TAF1A: variants seen among roughly 807,000 people sequenced by gnomAD.
The protein encoded by TAF1A is TATA-box binding protein associated factor, RNA polymerase I subunit A, also known as TATA box-binding protein-associated factor RNA polymerase I subunit A.
TAF1A carries 42 observed loss-of-function variants against 61.6 expected under a neutral mutation model. The ratio of observed to expected loss-of-function variants is 0.68; its 90% CI spans 0.53 to 0.88. The LOEUF is 0.88. Ranked by LOEUF, TAF1A falls within the 40% of genes least tolerant of loss-of-function variation. The probability of loss-of-function intolerance (pLI) is 0.00; values close to 1 mark genes in which losing one functional copy is unlikely to be tolerated. For synonymous variants in TAF1A, 179 were observed against 177.7 expected (o/e 1.01, Z -0.06); for missense variants, 424 against 518.7 (o/e 0.82, Z 1.77).
In TAF1A at chr1:222,563,483, T is replaced by C. The variant is rs113686910; in HGVS notation, c.962-187A>G. On this transcript the variant is annotated intron_variant, in intron 8 of 10. Coordinates refer to ENST00000352967, the MANE Select transcript of TAF1A (RefSeq NM_005681.4). ...TATGCTCTTACTCCTGCAATGAATC[T>C]GAAAAACTCAATAAAAATCCCTGCT... Among the ~76,000 whole-genome samples the C allele has an allele frequency of 3.7e-3, 565 of 152,332 alleles. 3 individuals carry two copies. Among genetic ancestry groups the C allele is most frequent in the African/African-American group, 0.013 (543 of 41,584 alleles).
At chr1:222,589,616 A>G (rs17511318) in intron 1 of TAF1A, 111 bp downstream of exon 1, 19,143 of 155,006 alleles carry the variant, frequency 0.12, 1,339 homozygotes, top group Middle Eastern at 0.19. Flanking sequence ...TTCAGACCCC[A>G]AGGGTTTCAG....
At chr1:222,584,847 A>G (rs1558154840) in intron 2 of TAF1A, among the ~76,000 whole-genome samples, 1 of 152,244 alleles carries the variant, frequency 6.6e-6, no homozygotes, top group Non-Finnish European at 1.5e-5. Flanking sequence ...GCTTAGATAC[A>G]GTGCTATTAT....
intron 7 of TAF1A, among the ~76,000 whole-genome samples, chr1:222,566,475 A>T (rs1194702246): frequency 6.6e-6 from 1 of 152,204 alleles, no homozygotes; most frequent in Non-Finnish European, 1.5e-5. Flanking sequence ...ACAACTCACC[A>T]TAAGTAGAAT....
At chr1:222,560,685 G>A (rs1298300200) in intron 10 of TAF1A, among the ~76,000 whole-genome samples, 1 of 152,168 alleles carries the variant, frequency 6.6e-6, no homozygotes, top group Non-Finnish European at 1.5e-5. Context: ...AAGTGAATTG[G>A]AGAATCTCTT....
At position 222,584,273 on chromosome 1, in the gene TAF1A, T is replaced by C. The variant is rs201988893; in HGVS notation, c.146A>G (p.Asp49Gly). 104 of 1,605,468 alleles carry C rather than the reference T, an allele frequency of 6.5e-5. 1 individual carries two copies. The East Asian group carries it at 2.1e-3, about 33-fold the overall frequency. Reference protein sequence around the residue: ...TVAIGGKRRKDFAQTTSACLS... With the variant: ...TVAIGGKRRKGFAQTTSACLS... ...ACAAGCACTTGTTGTCTGAGCAAAA[T>C]CCTTCCTCCTTTTCCCTCCAATGGC... The change falls in exon 3 of 11, where the codon GAT (aspartate) becomes GGT (glycine). Residue 49 changes from aspartate to glycine, a missense_variant. Coordinates refer to ENST00000352967, the MANE Select transcript of TAF1A (RefSeq NM_005681.4).
intron 3 of TAF1A, among the ~76,000 whole-genome samples, chr1:222,580,469 C>T (rs967083536): frequency 2.0e-5 from 3 of 152,138 alleles, no homozygotes; most frequent in Admixed American, 6.5e-5. Flanking sequence ...ATCTCTATTT[C>T]GCTAACCTCA....
At chr1:222,584,593 C>G (rs1248187466) in intron 2 of TAF1A, among the ~76,000 whole-genome samples, 1 of 152,164 alleles carries the variant, frequency 6.6e-6, no homozygotes, top group Non-Finnish European at 1.5e-5. Flanking sequence ...CGGAGAATCT[C>G]TCAAACAGGC....
chr1:222,575,715 CTT>C (rs1316132788), intron 5 of TAF1A, among the ~76,000 whole-genome samples: 2 of 152,144 alleles, frequency 1.3e-5, no homozygotes, highest in Non-Finnish European at 2.9e-5. Flanking sequence ...CTAGTCCTAA[CTT>C]TTTTTCTCGT....
At chr1:222,559,372 C>CTCA (rs894073552) in intron 10 of TAF1A, among the ~76,000 whole-genome samples, 3 of 152,208 alleles carry the variant, frequency 2.0e-5, no homozygotes, top group African/African-American at 7.2e-5. Flanking sequence ...ACAGAGGTGC[C>CTCA]TCATGCTCAT....
downstream of TAF1A, among the ~76,000 whole-genome samples, chr1:222,556,415 TGA>T (rs1659726849): frequency 6.6e-6 from 1 of 152,224 alleles, no homozygotes; most frequent in Non-Finnish European, 1.5e-5. Context: ...AGATACTACA[TGA>T]GAGTGTGATC....
chr1:222,570,639 C>T lies in TAF1A; in HGVS notation c.631G>A (p.Val211Ile). Residue 211 changes from valine to isoleucine, a missense_variant, in exon 6 of 11, where the codon GTA becomes ATA. Val to Ile is a conservative substitution (Grantham distance 29, BLOSUM62 3). Coordinates refer to ENST00000352967, the MANE Select transcript of TAF1A (RefSeq NM_005681.4). ...LDKDDYAYNA[V>I]AQDVFNHSWK... is the part of the protein sequence containing the mutation. ...CTGTGGTTGAACACATCCTGGGCTA[C>T]TGCATTGTAAGCATAATCATCCTTA... The T allele has an allele frequency of 6.2e-7, 1 of 1,610,386 alleles. No individual in the cohort carries two copies. The highest frequency in any genetic ancestry group is 8.5e-7 in the Non-Finnish European group (1 of 1,177,388).
intron 4 of TAF1A, 137 bp downstream of exon 4, chr1:222,579,622 T>C (rs1269285037): frequency 9.3e-7 from 1 of 1,070,770 alleles, no homozygotes; most frequent in Non-Finnish European, 1.3e-6. Flanking sequence ...CGCTCTTTTC[T>C]TTCAGTTTCT....
rs1447344668 is a variant in TAF1A at position 222,571,683 on chromosome 1, T to G, written c.605-1018A>C. Among the ~76,000 whole-genome samples, 3 of 151,880 alleles carry G rather than the reference T, an allele frequency of 2.0e-5. No individual in the cohort carries two copies. The East Asian group carries it at 5.8e-4, about 29-fold the overall frequency. The stretch of plus-strand genomic sequence containing the variant: ...AAATTTTACAAAAGAGATGCAAAAT[T>G]TTACTCTGAAAAGTGATACTGTTGA... On this transcript the variant is annotated intron_variant, in intron 5 of 10. Coordinates refer to ENST00000352967, the MANE Select transcript of TAF1A (RefSeq NM_005681.4).
At chr1:222,588,265 T>C (rs1444491598) in intron 2 of TAF1A, among the ~76,000 whole-genome samples, 178 bp downstream of exon 2, 5 of 152,186 alleles carry the variant, frequency 3.3e-5, no homozygotes, top group Admixed American at 2.0e-4. Context: ...AGACTATCTA[T>C]TATTAATCCA....
intron 2 of TAF1A, among the ~76,000 whole-genome samples, chr1:222,587,046 C>G (rs1197558516): frequency 6.6e-6 from 1 of 152,154 alleles, no homozygotes; most frequent in Non-Finnish European, 1.5e-5. Context: ...GAAACATACC[C>G]AAGTATGACT....
intron 5 of TAF1A, among the ~76,000 whole-genome samples, chr1:222,577,182 G>A (rs903664469): frequency 7.3e-5 from 11 of 150,102 alleles, no homozygotes; most frequent in Non-Finnish European, 1.6e-4. Context: ...TGCTGTGTCT[G>A]GCTGTGTTTA....
intron 7 of TAF1A, chr1:222,569,146 A>G: frequency 1.4e-6 from 1 of 697,278 alleles, no homozygotes; most frequent in Non-Finnish European, 1.9e-6. Context: ...GTTCTATATC[A>G]TGATTACCAT....
chr1:222,588,532 G>A lies in TAF1A; in HGVS notation c.32C>T (p.Pro11Leu), dbSNP rs1271778063. 1.2e-6 allele frequency: 2 copies of A among 1,613,870 alleles called. No individual in the cohort carries two copies. Among genetic ancestry groups the A allele is most frequent in the Non-Finnish European group, 1.7e-6 (2 of 1,179,972 alleles). MSDFSEELKG[P>L]VTDDEEVETS... ...TTCCACTTCTTCATCATCTGTCACA[G>A]GCCCTTTTAATTCTTCACTGAAATC... Residue 11 changes from proline to leucine, a missense_variant, in exon 2 of 11, where the codon CCT becomes CTT. Pro to Leu is a moderately conservative substitution (Grantham distance 98, BLOSUM62 -3). Coordinates refer to ENST00000352967, the MANE Select transcript of TAF1A (RefSeq NM_005681.4).
downstream of TAF1A, among the ~76,000 whole-genome samples, chr1:222,556,662 C>G (rs1325011170): frequency 6.6e-6 from 1 of 152,188 alleles, no homozygotes; most frequent in Non-Finnish European, 1.5e-5. Flanking sequence ...GTGACTTGCA[C>G]TACTCTTACT....
Sources: allele counts gnomAD v4.1 joint callset (sites outside exome capture counted in the v4.1 genomes callset), GRCh38; gene constraint gnomAD v4.1.1; transcripts MANE v1.5; gene names NCBI Gene and HGNC (gene_info 2026-07-23, HGNC 2026-07-21).